Variants in GRIK4 observed in about 807,000 individuals in gnomAD.
GRIK4 encodes the protein glutamate ionotropic receptor kainate type subunit 4.
GRIK4 carries 40 observed loss-of-function variants against 104.9 expected under a neutral mutation model. The observed-to-expected ratio is 0.38, with a 90% CI of 0.30 to 0.50. GRIK4 has a LOEUF of 0.50. Among genes scored for constraint, GRIK4 ranks in the 20% least tolerant of loss-of-function variants. The probability of loss-of-function intolerance (pLI) is 0.93; values close to 1 mark genes in which losing one functional copy is unlikely to be tolerated. For synonymous variants in GRIK4, 485 were observed against 524.9 expected (o/e 0.92, Z 1.04); for missense variants, 1,047 against 1,308.1 (o/e 0.80, Z 3.08).
chr11:120,730,688 A>G (rs142689080), intron 3 of GRIK4, among the ~76,000 whole-genome samples: 10 of 152,286 alleles, frequency 6.6e-5, no homozygotes, highest in Non-Finnish European at 1.5e-4. Context: ...GATTCTTCCA[A>G]TCAATGAACA....
At position 120,962,382 on chromosome 11, in the gene GRIK4, T is replaced by A. The variant is rs1244267939; in HGVS notation, c.2041-74T>A. ...AAGGGCCGGCATCTTAAGGTGCACT[T>A]TGATTCCCTCTCTTTTTAAGCCAAC... is the stretch of plus-strand genomic sequence containing the variant. On this transcript the variant is annotated intron_variant, in intron 17 of 20. Coordinates refer to ENST00000527524, the MANE Select transcript of GRIK4 (RefSeq NM_014619.5). 4.9e-6 allele frequency: 5 copies of A among 1,010,698 alleles called. No individual in the cohort carries two copies. The Admixed American group carries it at 1.0e-4, about 21-fold the overall frequency. 62.6% of individuals were successfully genotyped at this position (1,010,698 alleles called of 1,614,324 possible). A position where few individuals can be genotyped will look rare whatever the true frequency, so the allele number is the denominator to read the frequency against.
chr11:120,543,592 A>G (rs1171108408), intron 1 of GRIK4, among the ~76,000 whole-genome samples: 1 of 152,200 alleles, frequency 6.6e-6, no homozygotes, highest in Non-Finnish European at 1.5e-5. Flanking sequence ...AAGAGAATGT[A>G]TGTTCCTCAA....
chr11:120,820,014 G>T, intron 6 of GRIK4, 94 bp downstream of exon 6: 2 of 1,228,782 alleles, frequency 1.6e-6, no homozygotes, highest in Middle Eastern at 2.8e-4. Context: ...CCTCCAGGAA[G>T]GGGAGGCTTC....
chr11:120,875,096 C>A, intron 10 of GRIK4, 43 bp from the exon 11 acceptor site: 1 of 1,264,072 alleles, frequency 7.9e-7, no homozygotes, highest in Non-Finnish European at 1.2e-6. Flanking sequence ...GCAAGTGTAA[C>A]CTGGGGCCTG....
intron 3 of GRIK4, among the ~76,000 whole-genome samples, chr11:120,761,019 C>T (rs1340084057): frequency 1.3e-5 from 2 of 152,234 alleles, no homozygotes; most frequent in East Asian, 3.9e-4. Flanking sequence ...TGAGGAATCG[C>T]CACACTGTCT....
intron 1 of GRIK4, among the ~76,000 whole-genome samples, chr11:120,606,607 T>C (rs1239580538): frequency 6.6e-6 from 1 of 152,228 alleles, no homozygotes; most frequent in East Asian, 1.9e-4. Context: ...TGTTAGATAC[T>C]GAGCTAGGCC....
At chr11:120,557,368 C>A (rs563320078) in intron 1 of GRIK4, among the ~76,000 whole-genome samples, 48 of 152,332 alleles carry the variant, frequency 3.2e-4, no homozygotes, top group Admixed American at 3.1e-3. Flanking sequence ...ACAGGCTGTG[C>A]CTGCCCTGGC....
chr11:120,800,046 G>T (rs1345708758), intron 3 of GRIK4, among the ~76,000 whole-genome samples: 2 of 151,394 alleles, frequency 1.3e-5, no homozygotes, highest in African/African-American at 4.9e-5. Flanking sequence ...TAGAGACGAG[G>T]TTTCTCCATA....
intron 3 of GRIK4, among the ~76,000 whole-genome samples, chr11:120,679,113 G>A (rs1166568059): frequency 6.6e-6 from 1 of 152,120 alleles, no homozygotes; most frequent in African/African-American, 2.4e-5. Flanking sequence ...CATTTATTCA[G>A]TATTTATTAT....
chr11:120,938,115 G>T (rs765584968), intron 13 of GRIK4, among the ~76,000 whole-genome samples: 1 of 152,008 alleles, frequency 6.6e-6, no homozygotes, highest in Non-Finnish European at 1.5e-5. Flanking sequence ...CAAGTTTCAG[G>T]TAGGGGTTGG....
At chr11:120,866,586 A>T (rs1444661497) in intron 9 of GRIK4, among the ~76,000 whole-genome samples, 2 of 151,864 alleles carry the variant, frequency 1.3e-5, no homozygotes, top group African/African-American at 2.4e-5. Context: ...TGCTTGGGGG[A>T]TATTCAGTGA....
In GRIK4 at chr11:120,880,768, A is replaced by G. The variant is rs569802075; in HGVS notation, c.1164+5525A>G. On this transcript the variant is annotated intron_variant, in intron 11 of 20. Transcript: ENST00000527524. ...TCAAAATCTGCCTCCTAATTCTGCCATAATAGGAATAGTCTGCTTCCTCTT... is the reference window on the plus strand; with the variant it reads ...TCAAAATCTGCCTCCTAATTCTGCCGTAATAGGAATAGTCTGCTTCCTCTT... Among the ~76,000 whole-genome samples, 49 of 152,384 alleles carry G rather than the reference A, an allele frequency of 3.2e-4. 2 individuals carry two copies. The South Asian group carries it at 0.01, about 32-fold the overall frequency.
At chr11:120,963,438 G>A (rs1008702747) in intron 18 of GRIK4, among the ~76,000 whole-genome samples, 3 of 152,214 alleles carry the variant, frequency 2.0e-5, no homozygotes, top group Non-Finnish European at 4.4e-5. Context: ...CTGCTGTGGT[G>A]ATTGTGAAGG....
intron 17 of GRIK4, among the ~76,000 whole-genome samples, chr11:120,961,846 G>C (rs1944292096): frequency 6.6e-6 from 1 of 152,228 alleles, no homozygotes; most frequent in African/African-American, 2.4e-5. Flanking sequence ...TCAGCTTTCT[G>C]TTTTCCAGGC....
At chr11:120,656,558 G>C (rs1007721819) in intron 2 of GRIK4, among the ~76,000 whole-genome samples, 6 of 152,224 alleles carry the variant, frequency 3.9e-5, no homozygotes, top group African/African-American at 1.2e-4. Context: ...CTGAGCCACT[G>C]TCATGCTTAA....
chr11:120,957,007 G>A, intron 16 of GRIK4, 54 bp downstream of exon 16: 1 of 1,447,668 alleles, frequency 6.9e-7, no homozygotes, highest in Admixed American at 2.2e-5. Context: ...ACACAAAAGG[G>A]GCCCTCTGAT....
intron 15 of GRIK4, among the ~76,000 whole-genome samples, chr11:120,955,599 G>T (rs7112421): frequency 0.038 from 5,820 of 152,256 alleles, 382 homozygotes; most frequent in African/African-American, 0.13. Context: ...GGCATCAGAG[G>T]GGCCATTCAG....
rs11217931 is a variant in GRIK4 at position 120,631,084 on chromosome 11, C to G, written c.-158-22601C>G. 2.3e-3 allele frequency among the ~76,000 whole-genome samples: 348 copies of G among 152,312 alleles called. 5 individuals carry two copies. In the South Asian group the frequency reaches 0.03, roughly 13 times the overall value. ...GGGAGTAATCATAGTGCCTGCCTTT[C>G]GGGGATATTGTGAGAATGAACAGAG... On this transcript the variant is annotated intron_variant, in intron 1 of 20. Transcript: ENST00000527524.
intron 1 of GRIK4, among the ~76,000 whole-genome samples, chr11:120,589,026 A>G (rs935502558): frequency 3.3e-5 from 5 of 152,292 alleles, no homozygotes; most frequent in African/African-American, 1.2e-4. Flanking sequence ...TGGTGCAGAG[A>G]GGCTGTGGTA....
Sources: gnomAD v4.1 joint callset for allele counts (sites outside exome capture counted in the v4.1 genomes callset) on GRCh38, gnomAD v4.1.1 for gene constraint, MANE v1.5 for transcripts, NCBI Gene and HGNC (gene_info 2026-07-23, HGNC 2026-07-21) for gene names.